PCDHGA4: variants seen among roughly 807,000 people sequenced by gnomAD.
The protein encoded by PCDHGA4 is protocadherin gamma subfamily A, 4, also known as protocadherin gamma-A4.
Under a neutral mutation model 54.6 loss-of-function variants are expected in PCDHGA4, and 38 were observed. That is an observed-to-expected ratio of 0.70 (90% CI 0.54 to 0.91). The LOEUF is 0.91. PCDHGA4 is among the 40% of genes least tolerant of loss of function. The probability of loss-of-function intolerance (pLI) is 0.00; values close to 1 mark genes in which losing one functional copy is unlikely to be tolerated. For missense variants in PCDHGA4, 1,298 were observed against 1,220.9 expected (o/e 1.06, Z -0.94); for synonymous variants, 511 against 512.9 (o/e 1.00, Z 0.05).
At chr5:141,457,940 T>G (rs541807221) in intron 1 of PCDHGA4, among the ~76,000 whole-genome samples, 2 of 152,356 alleles carry the variant, frequency 1.3e-5, no homozygotes, top group East Asian at 3.9e-4. Flanking sequence ...TTTTATTGGC[T>G]CTGCATGTCA....
At chr5:141,483,753 G>A (rs1316976446) in intron 1 of PCDHGA4, among the ~76,000 whole-genome samples, 1 of 152,082 alleles carries the variant, frequency 6.6e-6, no homozygotes, top group Non-Finnish European at 1.5e-5. Flanking sequence ...CCTGAGGATC[G>A]AGGCTTGGAA....
intron 1 of PCDHGA4, chr5:141,408,546 A>G (rs777449394): frequency 6.2e-7 from 1 of 1,613,898 alleles, no homozygotes; most frequent in Non-Finnish European, 8.5e-7. Context: ...AATCCTTTAA[A>G]TATTTTTCAT....
chr5:141,371,771 G>T, intron 1 of PCDHGA4: 1 of 1,613,966 alleles, frequency 6.2e-7, no homozygotes, highest in Non-Finnish European at 8.5e-7. Flanking sequence ...CCTACACCGT[G>T]CATGTAGCTG....
chr5:141,388,729 G>T (rs1407038729), intron 1 of PCDHGA4: 10 of 1,614,012 alleles, frequency 6.2e-6, no homozygotes, highest in Non-Finnish European at 8.5e-6. Context: ...TTCTCTTTCA[G>T]TGAAGCTAGC....
chr5:141,357,095 T>A lies in PCDHGA4; in HGVS notation c.1988T>A (p.Leu663Gln). 1 of 1,613,868 alleles carries A rather than the reference T, an allele frequency of 6.2e-7. No individual in the cohort carries two copies. Among genetic ancestry groups the A allele is most frequent in the African/African-American group, 1.3e-5 (1 of 75,078 alleles). The change falls in exon 1 of 4, where the codon CTG becomes CAG. Residue 663 changes from leucine to glutamine, a missense_variant. Physicochemically the swap from Leu to Gln is moderately radical, Grantham distance 113. Transcript: ENST00000571252. ...GGCGAGGTGCGCACCGCACGGGCCC[T>A]GCTGGACAGAGACGCGCTCAAGCAG... ...HTGEVRTARA[L>Q]LDRDALKQRL...
chr5:141,397,177 A>G (rs1453004001), intron 1 of PCDHGA4, among the ~76,000 whole-genome samples: 1 of 152,250 alleles, frequency 6.6e-6, no homozygotes, highest in Non-Finnish European at 1.5e-5. Flanking sequence ...CTTAAGAATG[A>G]ATTTATGTAC....
intron 1 of PCDHGA4, chr5:141,423,905 G>T: frequency 7.9e-7 from 1 of 1,273,594 alleles, no homozygotes; most frequent in Non-Finnish European, 9.9e-7. Flanking sequence ...GATTTCAAAG[G>T]GGCCATTCAA....
rs974732178 is a variant in PCDHGA4 at position 141,374,708 on chromosome 5, C to A, written c.2514+17087C>A. On this transcript the variant is annotated intron_variant, in intron 1 of 3. Coordinates refer to ENST00000571252, the MANE Select transcript of PCDHGA4 (RefSeq NM_018917.4). ...GGACCGGGAAGGAGAAGCCGTTTACCGCCTGGTCCTTACTGCCATGGATGG... is the reference window on the plus strand; with the variant it reads ...GGACCGGGAAGGAGAAGCCGTTTACAGCCTGGTCCTTACTGCCATGGATGG... 1.8e-5 allele frequency: 29 copies of A among 1,609,028 alleles called. No individual in the cohort carries two copies. In the Admixed American group the frequency reaches 3.1e-4, roughly 17 times the overall value.
At chr5:141,480,167 G>C (rs752444894) in intron 1 of PCDHGA4, among the ~76,000 whole-genome samples, 3 of 151,964 alleles carry the variant, frequency 2.0e-5, no homozygotes, top group Non-Finnish European at 2.9e-5. Flanking sequence ...ATTTTGGGAG[G>C]CTGAGGCAGG....
chr5:141,399,510 C>G, intron 1 of PCDHGA4: 1 of 1,614,040 alleles, frequency 6.2e-7, no homozygotes, highest in East Asian at 2.2e-5. Flanking sequence ...CCGAAAACAA[C>G]CCTCCTGGGG....
chr5:141,504,956 G>A (rs1327603937), intron 2 of PCDHGA4, among the ~76,000 whole-genome samples: 1 of 152,096 alleles, frequency 6.6e-6, no homozygotes, highest in Non-Finnish European at 1.5e-5. Context: ...TATGTTCAAT[G>A]CATTGGACCA....
intron 1 of PCDHGA4, chr5:141,419,142 G>A (rs1351034238): frequency 6.2e-7 from 1 of 1,613,902 alleles, no homozygotes; most frequent in Non-Finnish European, 8.5e-7. Context: ...ACAGACAGGG[G>A]CAAGCCTCCG....
chr5:141,416,178 C>G (rs1392436592), intron 1 of PCDHGA4: 3 of 152,408 alleles, frequency 2.0e-5, no homozygotes, highest in African/African-American at 2.4e-5. Context: ...CTAAGTTTTT[C>G]ATTAATATTG....
chr5:141,383,928 T>C (rs543603315), intron 1 of PCDHGA4: 20 of 1,613,902 alleles, frequency 1.2e-5, no homozygotes, highest in Admixed American at 1.7e-5. Flanking sequence ...TAAATGATAA[T>C]GCTCCAGAAG....
At position 141,511,237 on chromosome 5, in the gene PCDHGA4, TG is replaced by T; in HGVS notation, c.*65del. 1 of 1,590,378 alleles carries T rather than the reference TG, an allele frequency of 6.3e-7. No individual in the cohort carries two copies. Among genetic ancestry groups the T allele is most frequent in the Non-Finnish European group, 8.6e-7 (1 of 1,168,304 alleles). On this transcript the variant is annotated 3_prime_UTR_variant, in exon 4 of 4. Transcript: ENST00000571252. ...CCAACCAGCCCAGCTTCTCCTTACC[TG>T]CACCCAGGCCTCAGAGTTTCAGGGC...
At chr5:141,400,261 C>G in intron 1 of PCDHGA4, 1 of 1,614,058 alleles carries the variant, frequency 6.2e-7, no homozygotes. Context: ...CTTGCGCCTG[C>G]GACGCTCCTC....
Position 141,355,410 on chromosome 5 carries a change from T to G in PCDHGA4, c.303T>G (p.Gly101=). ...AERGVRIVSR[G]RTQLFALNPR... is the part of the protein sequence containing the mutation. ...GCGGAGTCCGCATCGTCTCCAGAGG[T>G]AGGACGCAGCTTTTCGCCCTGAACC... The change falls in exon 1 of 4, where the codon GGT becomes GGG. Residue 101 remains glycine (G), a synonymous_variant. Coordinates refer to ENST00000571252, the MANE Select transcript of PCDHGA4 (RefSeq NM_018917.4). 6.2e-7 allele frequency: 1 copy of G among 1,614,014 alleles called. No homozygotes were observed. Among genetic ancestry groups the G allele is most frequent in the Non-Finnish European group, 8.5e-7 (1 of 1,179,910 alleles).
At chr5:141,505,538 T>C in intron 3 of PCDHGA4, 57 bp downstream of exon 3, 1 of 1,610,262 alleles carries the variant, frequency 6.2e-7, no homozygotes, top group Non-Finnish European at 8.5e-7. Context: ...CTGGGGTGCA[T>C]CTCACAGCCA....
rs757308340 is a variant in PCDHGA4, at chr5:141,487,575, G to A, written c.2515-7232G>A. ...GCACCTATGGCAGGGGAGCCTGTTC[G>A]CCCAAGCTGCCCACCCTCTGATCTT... On this transcript the variant is annotated intron_variant, in intron 1 of 3. Coordinates refer to ENST00000571252, the MANE Select transcript of PCDHGA4 (RefSeq NM_018917.4). This position sits in a 1 kb window ranked among gnomAD's most constrained non-coding sequence, Gnocchi z 5.0. The A allele has an allele frequency of 3.1e-6, 5 of 1,614,018 alleles. No homozygotes were observed. In the African/African-American group the frequency reaches 4.0e-5, roughly 13 times the overall value.
Sources: gnomAD v4.1 joint callset for allele counts (sites outside exome capture counted in the v4.1 genomes callset) on GRCh38, gnomAD v4.1.1 for gene constraint, Gnocchi (gnomAD v3.1) non-coding constraint, MANE v1.5 for transcripts, NCBI Gene and HGNC (gene_info 2026-07-23, HGNC 2026-07-21) for gene names.